Variants in AFF2 observed in about 807,000 individuals in gnomAD.
The protein encoded by AFF2 is AF4/FMR2 family member 2.
A neutral mutation model predicts 76.9 loss-of-function variants in AFF2; 14 were observed. The ratio of observed to expected loss-of-function variants is 0.18; its 90% CI spans 0.12 to 0.28. AFF2 has a LOEUF of 0.28. AFF2 is among the 10% of genes least tolerant of loss of function. The pLI is 1.00. For missense variants in AFF2, 868 were observed against 1,001.1 expected, an observed-to-expected ratio of 0.87 and a Z score of 1.79; for synonymous variants, 398 against 366.7, an observed-to-expected ratio of 1.09 and a Z score of -0.98.
At chrX:148,738,948 G>T (rs2055318326) in intron 3 of AFF2, among the ~76,000 whole-genome samples, 1 of 111,904 alleles carries the variant, frequency 8.9e-6, no homozygotes, top group Non-Finnish European at 1.9e-5. Context: ...TTTTGGAGTT[G>T]ATTTCCAGTT....
chrX:148,691,056 G>A (rs185952610), intron 3 of AFF2, among the ~76,000 whole-genome samples: 1 of 111,834 alleles, frequency 8.9e-6, no homozygotes, highest in East Asian at 2.8e-4. Flanking sequence ...TCCAAACATA[G>A]TCACAATCTG....
intron 7 of AFF2, among the ~76,000 whole-genome samples, chrX:148,864,843 A>C (rs191587540): frequency 1.5e-4 from 17 of 112,010 alleles, no homozygotes; most frequent in African/African-American, 5.2e-4. Context: ...GCTCTCTCTC[A>C]TCTGATGATG....
chrX:148,796,506 G>A (rs1306508103), intron 3 of AFF2, among the ~76,000 whole-genome samples: 5 of 112,214 alleles, frequency 4.5e-5, no homozygotes, highest in African/African-American at 1.3e-4. Flanking sequence ...ACCGGGCTTC[G>A]ACTTTCTGCC....
intron 15 of AFF2, 54 bp from the exon 16 acceptor site, chrX:148,973,417 A>G (rs1264904060): frequency 1.7e-6 from 2 of 1,192,749 alleles, no homozygotes; most frequent in Non-Finnish European, 1.1e-6. Context: ...CCACTCTTTT[A>G]TATGAAGGAG....
intron 3 of AFF2, among the ~76,000 whole-genome samples, chrX:148,671,237 A>T (rs782731088): frequency 8.9e-6 from 1 of 112,070 alleles, no homozygotes; most frequent in African/African-American, 3.2e-5. Context: ...GTTTTAACAA[A>T]ATTTAATTCT....
chrX:148,568,515 A>G (rs1557242048), intron 1 of AFF2, among the ~76,000 whole-genome samples: 1 of 112,064 alleles, frequency 8.9e-6, no homozygotes, highest in African/African-American at 3.2e-5. Flanking sequence ...AGTCTTTTAA[A>G]TGAAGTTTAG....
intron 9 of AFF2, among the ~76,000 whole-genome samples, chrX:148,923,332 T>C (rs1486858084): frequency 8.9e-6 from 1 of 112,111 alleles, no homozygotes; most frequent in Non-Finnish European, 1.9e-5. Flanking sequence ...AGGTTGCGTT[T>C]ATCAGACTTT....
chrX:148,509,407 C>T (rs1244767179), intron 1 of AFF2, among the ~76,000 whole-genome samples: 2 of 111,839 alleles, frequency 1.8e-5, no homozygotes, highest in Non-Finnish European at 3.8e-5. Context: ...CAGTAGCTCA[C>T]ATTCATCACA....
intron 1 of AFF2, among the ~76,000 whole-genome samples, chrX:148,606,994 G>A (rs1267242019): frequency 9.0e-6 from 1 of 111,210 alleles, no homozygotes; most frequent in Non-Finnish European, 1.9e-5. Flanking sequence ...TTGCTCTAAG[G>A]CAATTATAAG....
Position 148,580,627 on chromosome X carries a change from A to G in AFF2, c.48-71372A>G, listed in dbSNP as rs781836522. 3.7e-3 allele frequency among the ~76,000 whole-genome samples: 410 copies of G among 110,782 alleles called. 6 individuals are homozygous for G. Among genetic ancestry groups the G allele is most frequent in the Middle Eastern group, 0.024 (5 of 212 alleles). On this transcript the variant is annotated intron_variant, in intron 1 of 20. Coordinates refer to ENST00000370460, the MANE Select transcript of AFF2 (RefSeq NM_002025.4). ...ATAATGAAGCACCATTTTTTCATTCAGATGAAGTTGTAGAAAAGACCAAAA... is the reference window on the plus strand; with the variant it reads ...ATAATGAAGCACCATTTTTTCATTCGGATGAAGTTGTAGAAAAGACCAAAA...
In AFF2 at chrX:148,689,115, T is replaced by C. The variant is rs184280338; in HGVS notation, c.1041+26347T>C. On this transcript the variant is annotated intron_variant, in intron 3 of 20. Coordinates refer to ENST00000370460, the MANE Select transcript of AFF2 (RefSeq NM_002025.4). The stretch of plus-strand genomic sequence containing the variant: ...AAAGGTGTGGACAGTGTTGGTTTCT[T>C]CTGAGCCCCCTCTCCTTGGCTTGTA... 3.0e-3 allele frequency among the ~76,000 whole-genome samples: 337 copies of C among 111,917 alleles called. 4 individuals carry two copies. The highest frequency in any genetic ancestry group is 0.01 in the African/African-American group (318 of 30,797).
chrX:148,951,943 C>CAGAT (rs1314075703), intron 9 of AFF2, among the ~76,000 whole-genome samples: 1 of 111,721 alleles, frequency 9.0e-6, no homozygotes, highest in Admixed American at 9.5e-5. Flanking sequence ...ATTTACTAAG[C>CAGAT]AGATAGCAGT....
intron 1 of AFF2, among the ~76,000 whole-genome samples, chrX:148,586,561 G>A (rs2053471694): frequency 9.0e-6 from 1 of 111,708 alleles, no homozygotes; most frequent in Non-Finnish European, 1.9e-5. Context: ...TGCAAATTAA[G>A]CAAATATATA....
rs2074971 is a variant in AFF2, at chrX:148,886,316, T to C, written c.1359+331T>C. Among the ~76,000 whole-genome samples, 131 of 111,467 alleles carry C rather than the reference T, an allele frequency of 1.2e-3. No individual in the cohort carries two copies. In the East Asian group the frequency reaches 0.033, roughly 28 times the overall value. ...GGACTACTTATTGTCTTGGGTGAGG[T>C]ATAATTTTCATTTGGTGACTCTGGT... On this transcript the variant is annotated intron_variant, in intron 8 of 20. Transcript: ENST00000370460.
At chrX:148,633,285 C>T (rs192832571) in intron 1 of AFF2, among the ~76,000 whole-genome samples, 1 of 111,845 alleles carries the variant, frequency 8.9e-6, no homozygotes, top group African/African-American at 3.2e-5. Flanking sequence ...AGGTCATGGG[C>T]ACCCTGAAAC....
At chrX:148,832,229 A>G (rs2070463555) in intron 4 of AFF2, among the ~76,000 whole-genome samples, 1 of 112,191 alleles carries the variant, frequency 8.9e-6, no homozygotes, top group Non-Finnish European at 1.9e-5. Flanking sequence ...GGCCCCTCCA[A>G]TGGAAGTCAG....
intron 9 of AFF2, among the ~76,000 whole-genome samples, chrX:148,945,703 C>T (rs2071892220): frequency 1.8e-5 from 2 of 112,287 alleles, no homozygotes; most frequent in Admixed American, 1.9e-4. Context: ...TAAATTACCT[C>T]ATCCAGCCCT....
chrX:148,796,178 A>G (rs891092150), intron 3 of AFF2, among the ~76,000 whole-genome samples: 1 of 109,541 alleles, frequency 9.1e-6, no homozygotes, highest in African/African-American at 3.3e-5. Context: ...GATTCCAGCT[A>G]TATGTCTTCA....
chrX:148,762,480 A>ATATG (rs1557267400), intron 3 of AFF2, among the ~76,000 whole-genome samples: 1 of 92,560 alleles, frequency 1.1e-5, no homozygotes, highest in Non-Finnish European at 2.1e-5. Flanking sequence ...ACATATGTAT[A>ATATG]TGTGTGTGTG....
Sources: allele counts gnomAD v4.1 joint callset (sites outside exome capture counted in the v4.1 genomes callset), GRCh38; gene constraint gnomAD v4.1.1; transcripts MANE v1.5; gene names NCBI Gene and HGNC (gene_info 2026-07-23, HGNC 2026-07-21).